TMEM163: variants seen among roughly 807,000 people sequenced by gnomAD.
TMEM163 encodes transmembrane protein 163.
In TMEM163, 17 loss-of-function variants were observed where a neutral mutation model predicts 29.3. That is an observed-to-expected ratio of 0.58 (90% CI 0.40 to 0.87). The LOEUF is 0.87. Among genes scored for constraint, TMEM163 ranks in the 40% least tolerant of loss-of-function variants. The pLI is 0.00. For synonymous variants in TMEM163, 157 were observed against 160.6 expected (o/e 0.98, Z 0.17); for missense variants, 303 against 381.5 (o/e 0.79, Z 1.71).
intron 2 of TMEM163, among the ~76,000 whole-genome samples, chr2:134,662,304 C>T (rs75431724): frequency 0.11 from 16,241 of 152,074 alleles, 1,049 homozygotes; most frequent in African/African-American, 0.17. Context: ...ACATAGTTTC[C>T]CCTTCTTTAA....
intron 6 of TMEM163, among the ~76,000 whole-genome samples, chr2:134,465,294 A>G (rs6733189): frequency 0.24 from 36,814 of 151,624 alleles, 7,429 homozygotes; most frequent in East Asian, 0.58. Flanking sequence ...ACATATATAC[A>G]TATACAGACA....
chr2:134,625,550 G>A (rs1682831178), intron 2 of TMEM163, among the ~76,000 whole-genome samples: 1 of 152,204 alleles, frequency 6.6e-6, no homozygotes, highest in Non-Finnish European at 1.5e-5. Context: ...GATATCAGGA[G>A]GCTGGAAGCA....
intron 2 of TMEM163, among the ~76,000 whole-genome samples, chr2:134,625,894 C>T (rs1454959715): frequency 6.6e-6 from 1 of 152,216 alleles, no homozygotes; most frequent in Non-Finnish European, 1.5e-5. Flanking sequence ...AACCCGCTTA[C>T]AGCGTGTAAG....
intron 2 of TMEM163, among the ~76,000 whole-genome samples, chr2:134,694,951 A>T (rs1032379013): frequency 6.6e-6 from 1 of 152,240 alleles, no homozygotes; most frequent in African/African-American, 2.4e-5. Context: ...TTTTCTGGAA[A>T]GAAAAAAACT....
At chr2:134,649,343 C>T (rs1683413639) in intron 2 of TMEM163, among the ~76,000 whole-genome samples, 1 of 152,220 alleles carries the variant, frequency 6.6e-6, no homozygotes, top group African/African-American at 2.4e-5. Flanking sequence ...CCATCCCTCC[C>T]ATGTCCTAGT....
In TMEM163 at chr2:134,455,998, T is replaced by A. The variant is rs1267580279; in HGVS notation, c.*718A>T. The A allele has an allele frequency of 6.5e-6, 1 of 152,698 alleles. No individual in the cohort carries two copies. The highest frequency in any genetic ancestry group is 1.5e-5 in the Non-Finnish European group (1 of 68,104). The allele number at this position is 152,698 out of a possible 1,614,324, so 9.5% of individuals were successfully genotyped here. A position where few individuals can be genotyped will look rare whatever the true frequency, so the allele number is the denominator to read the frequency against. On this transcript the variant is annotated 3_prime_UTR_variant, in exon 8 of 8. Coordinates refer to ENST00000281924, the MANE Select transcript of TMEM163 (RefSeq NM_030923.5). ...TATATGCATATACGGATAGATTATA[T>A]TTATTTATTACAAATAAACTGTAGT...
At chr2:134,522,626 G>A (rs919398699) in intron 4 of TMEM163, among the ~76,000 whole-genome samples, 2 of 152,226 alleles carry the variant, frequency 1.3e-5, no homozygotes, top group African/African-American at 4.8e-5. Context: ...ACCAACTGTG[G>A]CATTTTGCCC....
intron 2 of TMEM163, among the ~76,000 whole-genome samples, chr2:134,695,448 A>G (rs1450316960): frequency 6.6e-6 from 1 of 152,038 alleles, no homozygotes; most frequent in African/African-American, 2.4e-5. Flanking sequence ...ATGACAAGCA[A>G]AAAAGAGCCA....
chr2:134,599,434 C>T (rs774345861), intron 2 of TMEM163, among the ~76,000 whole-genome samples: 5 of 151,922 alleles, frequency 3.3e-5, no homozygotes, highest in Admixed American at 6.6e-5. Context: ...GGATTAGTGC[C>T]CAGAGGTCTC....
chr2:134,659,638 C>A (rs920956457), intron 2 of TMEM163, among the ~76,000 whole-genome samples: 1 of 152,186 alleles, frequency 6.6e-6, no homozygotes, highest in Non-Finnish European at 1.5e-5. Context: ...AAAGACAAGT[C>A]CTTGCCCTGT....
At chr2:134,717,283 G>A (rs941645466) in intron 1 of TMEM163, among the ~76,000 whole-genome samples, 8 of 152,154 alleles carry the variant, frequency 5.3e-5, no homozygotes, top group African/African-American at 1.9e-4. Flanking sequence ...AGGGGCAAAG[G>A]TAATGAACAC....
At chr2:134,648,716 G>C (rs1251643986) in intron 2 of TMEM163, among the ~76,000 whole-genome samples, 1 of 152,208 alleles carries the variant, frequency 6.6e-6, no homozygotes, top group East Asian at 1.9e-4. Flanking sequence ...ATCAATCTGT[G>C]TAAGTGTTGT....
chr2:134,603,657 C>T (rs1033632159), intron 2 of TMEM163, among the ~76,000 whole-genome samples: 1 of 152,180 alleles, frequency 6.6e-6, no homozygotes, highest in Non-Finnish European at 1.5e-5. Context: ...ACATATCACA[C>T]AAGACCTCAG....
intron 4 of TMEM163, among the ~76,000 whole-genome samples, chr2:134,521,467 G>A (rs1227699284): frequency 1.3e-5 from 2 of 152,202 alleles, no homozygotes; most frequent in East Asian, 3.9e-4. Flanking sequence ...GCTCAGGGAT[G>A]CTGCGATGCA....
intron 2 of TMEM163, among the ~76,000 whole-genome samples, chr2:134,614,508 G>C (rs1363507355): frequency 6.6e-6 from 1 of 152,156 alleles, no homozygotes; most frequent in African/African-American, 2.4e-5. Flanking sequence ...TCTTAGACTT[G>C]AGAACAAAAG....
intron 2 of TMEM163, among the ~76,000 whole-genome samples, chr2:134,629,398 T>C (rs1682920796): frequency 6.6e-6 from 1 of 152,204 alleles, no homozygotes. Flanking sequence ...ACTTTGAACT[T>C]TCAGATATAC....
chr2:134,496,743 A>G (rs974672079), intron 5 of TMEM163, among the ~76,000 whole-genome samples: 3 of 152,206 alleles, frequency 2.0e-5, no homozygotes, highest in African/African-American at 7.2e-5. Context: ...TTACTAATTA[A>G]GACAGAGAAA....
At chr2:134,661,925 CTTTCTTT>C (rs1349329430) in intron 2 of TMEM163, among the ~76,000 whole-genome samples, 9 of 79,066 alleles carry the variant, frequency 1.1e-4, no homozygotes, top group African/African-American at 2.9e-4. Context: ...CATTAATTTT[CTTTCTTT>C]TTTTTTTTTT....
At chr2:134,611,651 T>G (rs1007474910) in intron 2 of TMEM163, among the ~76,000 whole-genome samples, 1 of 152,160 alleles carries the variant, frequency 6.6e-6, no homozygotes, top group South Asian at 2.1e-4. Context: ...ATCATAAGAA[T>G]TGCATTATTT....
Sources: allele counts gnomAD v4.1 joint callset (sites outside exome capture counted in the v4.1 genomes callset), GRCh38; gene constraint gnomAD v4.1.1; transcripts MANE v1.5; gene names NCBI Gene and HGNC (gene_info 2026-07-23, HGNC 2026-07-21).